Variants in NOL4L observed in about 807,000 individuals in gnomAD.
The protein encoded by NOL4L is nucleolar protein 4-like.
NOL4L carries 7 observed loss-of-function variants against 64.5 expected under a neutral mutation model. The observed-to-expected ratio is 0.11, with a 90% CI of 0.06 to 0.20. The LOEUF is 0.20. Ranked by LOEUF, NOL4L falls within the 10% of genes least tolerant of loss-of-function variation. The pLI, the probability that NOL4L is intolerant of heterozygous loss-of-function variation, is 1.00. For missense variants in NOL4L, 680 were observed against 967.1 expected (o/e 0.70, Z 3.94); for synonymous variants, 413 against 401.0 (o/e 1.03, Z -0.36).
At chr20:32,516,290 A>G (rs1330990461) in intron 3 of NOL4L, among the ~76,000 whole-genome samples, 2 of 152,128 alleles carry the variant, frequency 1.3e-5, no homozygotes, top group Non-Finnish European at 1.5e-5. Context: ...GTGGCAAAAA[A>G]AAAAAAATCT....
intron 4 of NOL4L, among the ~76,000 whole-genome samples, chr20:32,479,200 C>T (rs774493606): frequency 5.9e-5 from 9 of 152,204 alleles, no homozygotes; most frequent in African/African-American, 4.8e-5. Flanking sequence ...GATCAGAACC[C>T]GTCAACGACA....
intron 4 of NOL4L, among the ~76,000 whole-genome samples, chr20:32,500,533 T>TTTTTTTTTTTTTTTTTTTTATTGAGAG (rs1568661332): frequency 8.4e-6 from 1 of 119,048 alleles, no homozygotes; most frequent in Non-Finnish European, 1.6e-5. Flanking sequence ...TTTTTGTATT[T>TTTTTTTTTTTTTTTTTTTTATTGAGAG]CTTTCTTTTT....
chr20:32,477,197 C>T (rs556892129), intron 4 of NOL4L, among the ~76,000 whole-genome samples: 8 of 152,234 alleles, frequency 5.3e-5, no homozygotes, highest in Admixed American at 3.9e-4. Context: ...AGGGGCCCAG[C>T]GCTCCCCTGG....
chr20:32,499,903 T>C (rs2016850302), intron 4 of NOL4L, among the ~76,000 whole-genome samples: 1 of 152,126 alleles, frequency 6.6e-6, no homozygotes, highest in African/African-American at 2.4e-5. Flanking sequence ...TGGTAGCTGC[T>C]ACATGAATAG....
intron 4 of NOL4L, among the ~76,000 whole-genome samples, chr20:32,488,774 C>CCTTTCTTCCTTT (rs1568647468): frequency 9.6e-5 from 5 of 52,166 alleles, no homozygotes; most frequent in Non-Finnish European, 1.2e-4. Flanking sequence ...TTCCTTCCTT[C>CCTTTCTTCCTTT]CTTCCTTCCT....
At chr20:32,542,770 C>T (rs1011917467) in intron 1 of NOL4L, among the ~76,000 whole-genome samples, 2 of 152,182 alleles carry the variant, frequency 1.3e-5, no homozygotes, top group Non-Finnish European at 2.9e-5. Context: ...AGATGAAACA[C>T]CTTAATAGTG....
At chr20:32,568,889 A>G (rs948368739) in intron 1 of NOL4L, among the ~76,000 whole-genome samples, 4 of 152,158 alleles carry the variant, frequency 2.6e-5, no homozygotes, top group Non-Finnish European at 2.9e-5. Context: ...GACCCTGGCC[A>G]TCTCACCAGC....
chr20:32,584,962 C>G lies in NOL4L; in HGVS notation c.-72G>C. 5.5e-6 allele frequency: 5 copies of G among 900,976 alleles called. No homozygotes were observed. Among genetic ancestry groups the G allele is most frequent in the African/African-American group, 1.8e-5 (1 of 55,350 alleles). 55.8% of individuals were successfully genotyped at this position (900,976 alleles called of 1,614,324 possible). On this transcript the variant is annotated 5_prime_UTR_variant, in exon 1 of 11. Coordinates refer to ENST00000621426, the MANE Select transcript of NOL4L (RefSeq NM_001256798.2). ...CGCCCGGTGCCGGGACTGGGCTGGG[C>G]TGGGCTGGACCGGGCCGGGACGCGC...
chr20:32,510,087 C>A (rs866437830), intron 4 of NOL4L: 9 of 576,040 alleles, frequency 1.6e-5, no homozygotes, highest in Non-Finnish European at 2.3e-5. Flanking sequence ...AACTACTTTG[C>A]CTTTGTGCGT....
chr20:32,528,545 G>A (rs567543153), intron 1 of NOL4L, among the ~76,000 whole-genome samples: 4 of 152,256 alleles, frequency 2.6e-5, no homozygotes, highest in Non-Finnish European at 5.9e-5. Flanking sequence ...CGGGGCGGCC[G>A]TGGGCCCCGA....
At chr20:32,493,206 G>A (rs1600750773) in intron 4 of NOL4L, among the ~76,000 whole-genome samples, 1 of 152,214 alleles carries the variant, frequency 6.6e-6, no homozygotes, top group East Asian at 1.9e-4. Context: ...CACAGGCTGT[G>A]GGGGTGTGAG....
At chr20:32,565,644 A>G (rs997177898) in intron 1 of NOL4L, among the ~76,000 whole-genome samples, 1 of 152,160 alleles carries the variant, frequency 6.6e-6, no homozygotes, top group African/African-American at 2.4e-5. Flanking sequence ...AACTGGGGCT[A>G]TTACTTCTTG....
In NOL4L at chr20:32,460,852, C is replaced by T. The variant is rs139964498; in HGVS notation, c.842-4457G>A. 1.1e-3 allele frequency among the ~76,000 whole-genome samples: 169 copies of T among 152,272 alleles called. No individual in the cohort carries two copies. The highest frequency in any genetic ancestry group is 2.5e-3 in the Admixed American group (38 of 15,292). On this transcript the variant is annotated intron_variant, in intron 5 of 10. Coordinates refer to ENST00000621426, the MANE Select transcript of NOL4L (RefSeq NM_001256798.2). This position sits in a 1 kb window ranked among gnomAD's most constrained non-coding sequence, Gnocchi z 5.7. ...TCAAACCTGAGGGCTCCAGAGGAGA[C>T]GGGGCTCTGAAGGGGTGTCACCAGC...
chr20:32,567,847 C>G (rs777535612), intron 1 of NOL4L, among the ~76,000 whole-genome samples: 1 of 152,036 alleles, frequency 6.6e-6, no homozygotes, highest in Non-Finnish European at 1.5e-5. Context: ...ATCACACACA[C>G]CACCATCACC....
intron 1 of NOL4L, among the ~76,000 whole-genome samples, chr20:32,550,293 C>G (rs1254889195): frequency 6.6e-6 from 1 of 152,238 alleles, no homozygotes; most frequent in African/African-American, 2.4e-5. Context: ...GTCGCCCAGG[C>G]TGGAGTGCAA....
chr20:32,548,707 C>T (rs1391903270), intron 1 of NOL4L: 4 of 351,670 alleles, frequency 1.1e-5, no homozygotes, highest in Non-Finnish European at 1.1e-5. Context: ...AGCACATGCC[C>T]TCAGACGCAG....
At position 32,456,123 on chromosome 20, in the gene NOL4L, G is replaced by T; in HGVS notation, c.1114C>A (p.Pro372Thr). The change falls in exon 6 of 11, where the codon CCC becomes ACC. Residue 372 changes from proline to threonine, a missense_variant. Transcript: ENST00000621426. ...CAGCCCCCAGCCCCACACACCTCGG[G>T]GGTGGTCTTCACCCCGTATTTGACG... ...SRVKYGVKTTPESPPYSSGSY... is the reference protein window; with the variant it reads ...SRVKYGVKTTTESPPYSSGSY... The T allele has an allele frequency of 1.3e-6, 2 of 1,530,160 alleles. No individual in the cohort carries two copies. The highest frequency in any genetic ancestry group is 2.4e-5 in the East Asian group (1 of 41,602). 94.8% of individuals were successfully genotyped at this position (1,530,160 alleles called of 1,614,324 possible).
At chr20:32,527,665 C>T (rs6119883) in intron 2 of NOL4L, 93 bp downstream of exon 2, 2 of 1,431,690 alleles carry the variant, frequency 1.4e-6, no homozygotes, top group Admixed American at 2.3e-5. Context: ...CCTCAGCTCC[C>T]TGCCCCGCCC....
At chr20:32,467,435 G>A (rs1016142666) in intron 5 of NOL4L, among the ~76,000 whole-genome samples, 14 of 152,142 alleles carry the variant, frequency 9.2e-5, no homozygotes, top group Non-Finnish European at 1.8e-4. Flanking sequence ...CTCCCTTTAC[G>A]AAGAAGCACA....
Sources: allele counts gnomAD v4.1 joint callset (sites outside exome capture counted in the v4.1 genomes callset), GRCh38; gene constraint gnomAD v4.1.1; non-coding constraint Gnocchi (gnomAD v3.1); transcripts MANE v1.5; gene names NCBI Gene and HGNC (gene_info 2026-07-23, HGNC 2026-07-21).